Variants in VEPH1 observed in about 807,000 individuals in gnomAD.
VEPH1 encodes ventricular zone-expressed PH domain-containing protein homolog 1.
VEPH1 carries 80 observed loss-of-function variants against 85.2 expected under a neutral mutation model. The observed-to-expected ratio is 0.94, with a 90% confidence interval of 0.78 to 1.13. VEPH1 has a LOEUF of 1.13. Among genes scored for constraint, VEPH1 ranks in the 50% most tolerant of loss-of-function variants. The pLI is 0.00. For synonymous variants in VEPH1, 297 were observed against 348.0 expected, an observed-to-expected ratio of 0.85 and a Z score of 1.63; for missense variants, 955 against 980.5, an observed-to-expected ratio of 0.97 and a Z score of 0.35.
At chr3:157,446,210 T>A (rs1184866721) in intron 4 of VEPH1, among the ~76,000 whole-genome samples, 1 of 151,602 alleles carries the variant, frequency 6.6e-6, no homozygotes, top group Non-Finnish European at 1.5e-5. Flanking sequence ...ATAATATTAT[T>A]TGTGTGTGTA....
At chr3:157,344,223 A>T (rs1218895415) in intron 9 of VEPH1, among the ~76,000 whole-genome samples, 1 of 152,222 alleles carries the variant, frequency 6.6e-6, no homozygotes, top group African/African-American at 2.4e-5. Context: ...AATTAGGAAA[A>T]GAGGAAGTGA....
chr3:157,311,719 C>G (rs1349071936), intron 11 of VEPH1, among the ~76,000 whole-genome samples: 1 of 151,840 alleles, frequency 6.6e-6, no homozygotes, highest in Non-Finnish European at 1.5e-5. Context: ...TTTTTAATCT[C>G]TTAGGATTTG....
chr3:157,472,279 CT>C (rs1488443672), intron 2 of VEPH1, among the ~76,000 whole-genome samples: 2 of 152,130 alleles, frequency 1.3e-5, no homozygotes, highest in Non-Finnish European at 2.9e-5. Context: ...AGAAATTCAT[CT>C]TTTAACCATT....
At position 157,493,418 on chromosome 3, in the gene VEPH1, A is replaced by G. The variant is rs529560885; in HGVS notation, c.138+1794T>C. On this transcript the variant is annotated intron_variant, in intron 2 of 13. Coordinates refer to ENST00000362010, the MANE Select transcript of VEPH1 (RefSeq NM_001167912.2). ...GACGCAGCTAACAGGGATGTAAGCC[A>G]TAGAGCAGGCATGGTGGTTCCATGT... 44 of 364,122 alleles carry G rather than the reference A, an allele frequency of 1.2e-4. No individual in the cohort carries two copies. In the East Asian group the frequency reaches 3.1e-3, roughly 25 times the overall value. 22.6% of individuals were successfully genotyped at this position (364,122 alleles called of 1,614,324 possible).
intron 7 of VEPH1, among the ~76,000 whole-genome samples, chr3:157,375,073 G>A (rs1727936136): frequency 6.6e-6 from 1 of 152,154 alleles, no homozygotes; most frequent in Non-Finnish European, 1.5e-5. Flanking sequence ...CTGTCTGCAA[G>A]GTTTACTCTA....
Position 157,428,466 on chromosome 3 carries a change from C to A in VEPH1, c.552G>T (p.Val184=). 6.2e-7 allele frequency: 1 copy of A among 1,613,876 alleles called. No homozygotes were observed. The highest frequency in any genetic ancestry group is 8.5e-7 in the Non-Finnish European group (1 of 1,179,962). ...GCTGCTTTTCATACACAGCAGGTAA[C>A]ACTCTCAACAACATGGTGTTACCTG... The part of the protein sequence containing the change: ...ILQGNTMLLR[V]LPAVYEKQPQ... The change falls in exon 5 of 14, where the codon GTG becomes GTT. Residue 184 remains valine, a synonymous_variant. Coordinates refer to ENST00000362010, the MANE Select transcript of VEPH1 (RefSeq NM_001167912.2).
chr3:157,466,565 C>G (rs569044161), intron 3 of VEPH1, among the ~76,000 whole-genome samples: 2 of 152,302 alleles, frequency 1.3e-5, no homozygotes, highest in South Asian at 4.1e-4. Flanking sequence ...TTTTAACTTT[C>G]ATAATAGTCC....
intron 5 of VEPH1, among the ~76,000 whole-genome samples, chr3:157,427,329 AG>A (rs1732828502): frequency 6.6e-6 from 1 of 151,740 alleles, no homozygotes; most frequent in Admixed American, 6.6e-5. Flanking sequence ...CATCTTGGCC[AG>A]GCTGGTCTTG....
At chr3:157,378,486 A>G (rs1349096275) in intron 7 of VEPH1, among the ~76,000 whole-genome samples, 1 of 151,712 alleles carries the variant, frequency 6.6e-6, no homozygotes, top group Non-Finnish European at 1.5e-5. Flanking sequence ...AGGCCAGCAC[A>G]TTGCTGGTGA....
intron 5 of VEPH1, among the ~76,000 whole-genome samples, chr3:157,418,436 A>G (rs1440017430): frequency 6.6e-6 from 1 of 152,138 alleles, no homozygotes; most frequent in Non-Finnish European, 1.5e-5. Flanking sequence ...TACAGCAAAC[A>G]ACATTTCAAT....
intron 13 of VEPH1, among the ~76,000 whole-genome samples, 177 bp downstream of exon 13, chr3:157,265,349 T>A (rs1713481228): frequency 6.6e-6 from 1 of 152,136 alleles, no homozygotes; most frequent in Admixed American, 6.5e-5. Context: ...GGACAGTGAA[T>A]CAACTAACAT....
At chr3:157,353,314 C>T (rs1363465099) in intron 9 of VEPH1, among the ~76,000 whole-genome samples, 1 of 151,660 alleles carries the variant, frequency 6.6e-6, no homozygotes, top group Non-Finnish European at 1.5e-5. Context: ...GTTCTGTTGC[C>T]CAGGCTGGAG....
intron 4 of VEPH1, among the ~76,000 whole-genome samples, chr3:157,431,591 C>T (rs1733155719): frequency 6.6e-6 from 1 of 151,992 alleles, no homozygotes; most frequent in Non-Finnish European, 1.5e-5. Flanking sequence ...ATGCATATTA[C>T]ATAACATGTT....
intron 4 of VEPH1, among the ~76,000 whole-genome samples, chr3:157,444,489 T>C (rs1054738073): frequency 2.0e-5 from 3 of 152,320 alleles, no homozygotes; most frequent in East Asian, 3.9e-4. Context: ...AGAAAATCAC[T>C]TGTAGTTAGG....
At chr3:157,264,363 C>G (rs1713320625) in intron 13 of VEPH1, among the ~76,000 whole-genome samples, 1 of 152,148 alleles carries the variant, frequency 6.6e-6, no homozygotes, top group South Asian at 2.1e-4. Flanking sequence ...ACCAGTTTTC[C>G]TGGTTCTCCA....
At chr3:157,292,963 A>T (rs1390916173) in intron 11 of VEPH1, among the ~76,000 whole-genome samples, 1 of 149,942 alleles carries the variant, frequency 6.7e-6, no homozygotes, top group African/African-American at 2.5e-5. Flanking sequence ...AGTCTGGGCA[A>T]CAAGAGCAAA....
At chr3:157,449,005 C>T (rs1734749986) in intron 4 of VEPH1, among the ~76,000 whole-genome samples, 1 of 152,142 alleles carries the variant, frequency 6.6e-6, no homozygotes, top group Admixed American at 6.5e-5. Context: ...TACTCTCTTG[C>T]CACCACCATG....
intron 2 of VEPH1, among the ~76,000 whole-genome samples, chr3:157,489,799 T>C (rs1302298660): frequency 6.6e-6 from 1 of 152,044 alleles, no homozygotes; most frequent in Non-Finnish European, 1.5e-5. Context: ...TAAATATTTG[T>C]TGAATAAACT....
intron 3 of VEPH1, 27 bp from the exon 4 acceptor site, chr3:157,460,382 T>C (rs1360006631): frequency 5.0e-6 from 8 of 1,593,274 alleles, no homozygotes; most frequent in Non-Finnish European, 6.8e-6. Context: ...AAGCCACAAA[T>C]AATAAGTGAC....
Sources: allele counts gnomAD v4.1 joint callset (sites outside exome capture counted in the v4.1 genomes callset), GRCh38; gene constraint gnomAD v4.1.1; transcripts MANE v1.5; gene names NCBI Gene and HGNC (gene_info 2026-07-23, HGNC 2026-07-21).